Variants in PRKG1 observed in about 807,000 individuals in gnomAD.
The protein encoded by PRKG1 is protein kinase cGMP-dependent 1, also known as cGMP-dependent protein kinase 1.
A neutral mutation model predicts 88.1 loss-of-function variants in PRKG1; 35 were observed. The ratio of observed to expected loss-of-function variants is 0.40; its 90% CI spans 0.30 to 0.53. PRKG1 has a LOEUF of 0.53. PRKG1 is among the 20% of genes least tolerant of loss of function. The probability of loss-of-function intolerance (pLI) is 0.59; values close to 1 mark genes in which losing one functional copy is unlikely to be tolerated. For synonymous variants in PRKG1, 303 were observed against 292.5 expected (o/e 1.04, Z -0.37); for missense variants, 540 against 839.8 (o/e 0.64, Z 4.41).
At position 52,184,044 on chromosome 10, in the gene PRKG1, TG is replaced by T. The variant is rs1478978603; in HGVS notation, c.1076+22084del. On this transcript the variant is annotated intron_variant, in intron 9 of 17. Transcript: ENST00000373980. Reference sequence around the variant, plus strand: ...TGCCCTCCTGGGCTTCCAGTCACCATGGGTGCCTCACTATTTCAGTGCATTC... The same window carrying T: ...TGCCCTCCTGGGCTTCCAGTCACCATGGTGCCTCACTATTTCAGTGCATTC... Among the ~76,000 whole-genome samples, 6 of 152,318 alleles carry T rather than the reference TG, an allele frequency of 3.9e-5. No homozygotes were observed. The East Asian group carries it at 1.2e-3, about 29-fold the overall frequency.
At chr10:50,998,832 T>C (rs183897333) in intron 1 of PRKG1, among the ~76,000 whole-genome samples, 140 of 152,342 alleles carry the variant, frequency 9.2e-4, no homozygotes, top group Admixed American at 2.5e-3. Flanking sequence ...AGAAAATGTA[T>C]GTCTTTTAAA....
chr10:52,086,727 T>G (rs1269572998), intron 7 of PRKG1, among the ~76,000 whole-genome samples: 1 of 152,104 alleles, frequency 6.6e-6, no homozygotes, highest in Non-Finnish European at 1.5e-5. Flanking sequence ...CCTCAAACAA[T>G]TCGCTATATG....
At chr10:51,654,922 A>C (rs1432168772) in intron 3 of PRKG1, among the ~76,000 whole-genome samples, 10 of 152,224 alleles carry the variant, frequency 6.6e-5, no homozygotes, top group Admixed American at 5.2e-4. Flanking sequence ...TTAGAAACAA[A>C]ACAATCAAGA....
chr10:52,128,780 T>C (rs1837172693), intron 7 of PRKG1, among the ~76,000 whole-genome samples: 1 of 152,190 alleles, frequency 6.6e-6, no homozygotes, highest in East Asian at 1.9e-4. Flanking sequence ...AAGTATTTAT[T>C]AACTGCACAC....
intron 2 of PRKG1, among the ~76,000 whole-genome samples, chr10:51,370,834 C>T (rs1297789313): frequency 6.6e-6 from 1 of 151,748 alleles, no homozygotes; most frequent in African/African-American, 2.4e-5. Flanking sequence ...TCAATTTATG[C>T]CCAAAGCCCA....
chr10:51,445,639 T>C (rs1839251781), intron 2 of PRKG1, among the ~76,000 whole-genome samples: 1 of 151,936 alleles, frequency 6.6e-6, no homozygotes. Flanking sequence ...AATGAACAGA[T>C]GGCCTATTCA....
At chr10:51,029,617 C>T (rs1247613311) in intron 1 of PRKG1, among the ~76,000 whole-genome samples, 5 of 152,064 alleles carry the variant, frequency 3.3e-5, no homozygotes, top group African/African-American at 1.2e-4. Context: ...AACAGTAGAC[C>T]TCAAAAATTA....
rs773730432 is a variant in PRKG1, at chr10:52,293,847, GACA to G, written c.2011_2013del (p.Asn671del). 3.1e-6 allele frequency: 5 copies of G among 1,613,256 alleles called. No individual in the cohort carries two copies. The highest frequency in any genetic ancestry group is 4.2e-6 in the Non-Finnish European group (5 of 1,179,442). ...AAGTAATTTTGACAGTTTCCCTGAG[GACA>G]ACGATGAACCACCACCTGATGACAA... is the stretch of plus-strand genomic sequence containing the variant. On this transcript the variant is annotated inframe_deletion, in exon 18 of 18. Transcript: ENST00000373980.
intron 3 of PRKG1, among the ~76,000 whole-genome samples, chr10:51,704,949 T>C (rs1003601492): frequency 6.6e-6 from 1 of 152,206 alleles, no homozygotes; most frequent in African/African-American, 2.4e-5. Flanking sequence ...TGTTCTTTTT[T>C]AATACCTTAT....
chr10:51,927,528 A>C (rs1207104222), intron 5 of PRKG1, among the ~76,000 whole-genome samples: 2 of 152,190 alleles, frequency 1.3e-5, no homozygotes, highest in African/African-American at 4.8e-5. Flanking sequence ...GTAATATTGC[A>C]AGTCAGGTTA....
At chr10:51,436,178 T>G (rs894921315) in intron 2 of PRKG1, among the ~76,000 whole-genome samples, 4 of 151,184 alleles carry the variant, frequency 2.6e-5, no homozygotes, top group African/African-American at 9.7e-5. Context: ...GTAAGTTGTT[T>G]TTTTTTTTTT....
chr10:51,329,082 G>A (rs181009770), intron 2 of PRKG1, among the ~76,000 whole-genome samples: 2 of 152,082 alleles, frequency 1.3e-5, no homozygotes, highest in African/African-American at 4.8e-5. Flanking sequence ...GATGTAATTT[G>A]TCTATTTTTG....
chr10:51,697,317 T>C (rs1262088426), intron 3 of PRKG1: 2 of 180,572 alleles, frequency 1.1e-5, no homozygotes, highest in East Asian at 3.2e-4. Flanking sequence ...TCTTAGTACA[T>C]TAACGTTTTA....
chr10:51,368,506 T>G (rs776913293), intron 2 of PRKG1, among the ~76,000 whole-genome samples: 5 of 152,072 alleles, frequency 3.3e-5, no homozygotes, highest in Non-Finnish European at 5.9e-5. Flanking sequence ...CATCTATACC[T>G]TTCAGCACTT....
intron 1 of PRKG1, among the ~76,000 whole-genome samples, chr10:51,146,126 T>G (rs775413929): frequency 1.3e-4 from 19 of 151,932 alleles, no homozygotes; most frequent in Non-Finnish European, 2.2e-4. Flanking sequence ...GAGGCGGAGC[T>G]TGCAGTGAGT....
At chr10:51,976,595 G>A (rs1373461731) in intron 5 of PRKG1, among the ~76,000 whole-genome samples, 1 of 151,976 alleles carries the variant, frequency 6.6e-6, no homozygotes, top group Admixed American at 6.6e-5. Context: ...TGGAGGCTGG[G>A]GTGGTAGGAG....
chr10:51,320,237 T>C (rs903439281), intron 2 of PRKG1: 2 of 164,098 alleles, frequency 1.2e-5, no homozygotes, highest in Middle Eastern at 5.6e-4. Context: ...CTACCTTCCG[T>C]GCACTCTTAT....
In PRKG1 at chr10:52,279,846, A is replaced by T. The variant is rs139675138; in HGVS notation, c.1404-943A>T. 2.2e-3 allele frequency among the ~76,000 whole-genome samples: 341 copies of T among 152,120 alleles called. 1 individual carries two copies. Among genetic ancestry groups the T allele is most frequent in the African/African-American group, 7.4e-3 (308 of 41,524 alleles). ...TTGAATTATGAAATGAAATTATTAAATTGTGCTTACTACTCGGGAAAGAAA... is the reference window on the plus strand; with the variant it reads ...TTGAATTATGAAATGAAATTATTAATTTGTGCTTACTACTCGGGAAAGAAA... On this transcript the variant is annotated intron_variant, in intron 12 of 17. Coordinates refer to ENST00000373980, the MANE Select transcript of PRKG1 (RefSeq NM_006258.4).
In PRKG1 at chr10:52,288,768, C is replaced by A; in HGVS notation, c.1752C>A (p.Ile584=). ...CAGATCCTATGAAAACCTATAACAT[C>A]ATATTGAGGGGGATTGACATGATAG... ...SGPDPMKTYN[I]ILRGIDMIEF... is the part of the protein sequence containing the mutation. The change falls in exon 15 of 18, where the codon ATC becomes ATA. Residue 584 remains isoleucine, a synonymous_variant. Coordinates refer to ENST00000373980, the MANE Select transcript of PRKG1 (RefSeq NM_006258.4). 6.2e-7 allele frequency: 1 copy of A among 1,601,522 alleles called. No individual in the cohort carries two copies. The highest frequency in any genetic ancestry group is 8.5e-7 in the Non-Finnish European group (1 of 1,176,120).
Sources: gnomAD v4.1 joint callset for allele counts (sites outside exome capture counted in the v4.1 genomes callset) on GRCh38, gnomAD v4.1.1 for gene constraint, MANE v1.5 for transcripts, NCBI Gene and HGNC (gene_info 2026-07-23, HGNC 2026-07-21) for gene names.